DENND2C: variants seen among roughly 807,000 people sequenced by gnomAD.
The protein encoded by DENND2C is DENN domain containing 2C.
A neutral mutation model predicts 112.4 loss-of-function variants in DENND2C; 72 were observed. That is an observed-to-expected ratio of 0.64 (90% confidence interval 0.53 to 0.78). The LOEUF is 0.78. Among genes scored for constraint, DENND2C ranks in the 30% least tolerant of loss-of-function variants. DENND2C has a pLI of 0.00. For synonymous variants in DENND2C, 329 were observed against 381.6 expected, an observed-to-expected ratio of 0.86 and a Z score of 1.61; for missense variants, 992 against 1,113.8, an observed-to-expected ratio of 0.89 and a Z score of 1.56.
intron 2 of DENND2C, among the ~76,000 whole-genome samples, chr1:114,646,838 T>C (rs1255674003): frequency 6.6e-6 from 1 of 152,176 alleles, no homozygotes; most frequent in Non-Finnish European, 1.5e-5. Context: ...GCATTAGCTT[T>C]AATGTTCACC....
In DENND2C at chr1:114,587,761, C is replaced by A. The variant is rs913872085; in HGVS notation, c.2623G>T (p.Ala875Ser). Residue 875 changes from alanine to serine, a missense_variant, in exon 19 of 21, where the codon GCA becomes TCA. Ala to Ser is a moderately conservative substitution (Grantham distance 99). This residue lies in a region of DENND2C where 516 missense variants were observed against 623.6 expected (regional missense o/e 0.83). Transcript: ENST00000393274. ...AGCTCTCGGTCCTGGATGAATCCTGCAAACATCTGAGTTTCCATGAAGAGA... is the reference window on the plus strand; with the variant it reads ...AGCTCTCGGTCCTGGATGAATCCTGAAAACATCTGAGTTTCCATGAAGAGA... ...LDLFMETQMF[A>S]GFIQDRELRK... The A allele has an allele frequency of 1.9e-6, 3 of 1,614,080 alleles. No homozygotes were observed. Among genetic ancestry groups the A allele is most frequent in the Non-Finnish European group, 2.5e-6 (3 of 1,179,986 alleles).
intron 18 of DENND2C, 152 bp downstream of exon 18, chr1:114,594,321 C>G (rs1655281159): frequency 3.2e-6 from 2 of 618,040 alleles, no homozygotes; most frequent in African/African-American, 3.7e-5. Context: ...ACCTGGCATA[C>G]TGAGGATAAG....
At chr1:114,654,148 AC>A (rs1392993099) in intron 2 of DENND2C, among the ~76,000 whole-genome samples, 1 of 152,112 alleles carries the variant, frequency 6.6e-6, no homozygotes, top group Admixed American at 6.6e-5. Flanking sequence ...TAAAAAATAA[AC>A]AGGCCAGACA....
At chr1:114,602,327 C>T (rs1240685979) in intron 11 of DENND2C, 133 bp from the exon 12 acceptor site, 7 of 784,852 alleles carry the variant, frequency 8.9e-6, no homozygotes, top group Non-Finnish European at 1.4e-5. Flanking sequence ...CAACCACTTA[C>T]GGCATTCTCC....
At chr1:114,637,093 A>G (rs1175694781) in intron 3 of DENND2C, among the ~76,000 whole-genome samples, 1 of 62,208 alleles carries the variant, frequency 1.6e-5, no homozygotes, top group Non-Finnish European at 3.0e-5. Context: ...AAAACAAAAC[A>G]AAACAAAAAT....
intron 2 of DENND2C, among the ~76,000 whole-genome samples, chr1:114,648,434 C>A (rs1306270413): frequency 6.6e-6 from 1 of 152,160 alleles, no homozygotes; most frequent in African/African-American, 2.4e-5. Flanking sequence ...AAGAAAAGTG[C>A]AAGGCTTAGA....
At chr1:114,604,758 C>T (rs746873682) in intron 11 of DENND2C, among the ~76,000 whole-genome samples, 164 bp downstream of exon 11, 3 of 151,858 alleles carry the variant, frequency 2.0e-5, no homozygotes, top group Non-Finnish European at 4.4e-5. Flanking sequence ...TTTTAAGCCC[C>T]ACATAGGAAA....
chr1:114,592,034 A>C (rs1483409187), intron 18 of DENND2C, among the ~76,000 whole-genome samples: 2 of 151,966 alleles, frequency 1.3e-5, no homozygotes, highest in Non-Finnish European at 2.9e-5. Context: ...ACAGGCGCGT[A>C]CCACCACACC....
intron 17 of DENND2C, 66 bp from the exon 18 acceptor site, chr1:114,594,644 G>T: frequency 7.5e-7 from 1 of 1,339,078 alleles, no homozygotes; most frequent in Non-Finnish European, 1.0e-6. Flanking sequence ...TCTCAAATAT[G>T]CCCTAGTTAT....
rs1223669910 is a variant in DENND2C at position 114,599,435 on chromosome 1, C to T, written c.2122G>A (p.Gly708Ser). ...TACAGTGTAGCTACCACAGCATGGC[C>T]ACATTTTGACAGGGTGCTAGCCAGA... is the stretch of plus-strand genomic sequence containing the variant. The part of the protein sequence containing the change: ...ANSLSTLSKC[G>S]HAVVATLYPF... Residue 708 changes from glycine to serine, a missense_variant, in exon 16 of 21, where the codon GGC (glycine) becomes AGC (serine). Gly to Ser is a moderately conservative substitution (Grantham distance 56). Around this residue, in one of 3 missense-constraint regions of DENND2C, gnomAD observed 516 missense variants for 623.6 expected, o/e 0.83. Coordinates refer to ENST00000393274, the MANE Select transcript of DENND2C (RefSeq NM_001256404.2). 5 of 1,613,624 alleles carry T rather than the reference C, an allele frequency of 3.1e-6. No individual in the cohort carries two copies. Among genetic ancestry groups the T allele is most frequent in the Non-Finnish European group, 4.2e-6 (5 of 1,179,786 alleles).
rs771459020 is a variant in DENND2C at position 114,603,358 on chromosome 1, C to T, written c.1668-1164G>A. ...TTAACTATGTTGGCCAGGCTGGTCT[C>T]GAACTCCTGACCTCAGGTGATCCAC... On this transcript the variant is annotated intron_variant, in intron 11 of 20. Coordinates refer to ENST00000393274, the MANE Select transcript of DENND2C (RefSeq NM_001256404.2). 1.5e-4 allele frequency among the ~76,000 whole-genome samples: 22 copies of T among 151,638 alleles called. 1 individual carries two copies. Among genetic ancestry groups the T allele is most frequent in the Admixed American group, 2.6e-4 (4 of 15,208 alleles).
At chr1:114,590,303 T>C (rs1201651653) in intron 18 of DENND2C, among the ~76,000 whole-genome samples, 3 of 152,090 alleles carry the variant, frequency 2.0e-5, no homozygotes, top group Non-Finnish European at 4.4e-5. Context: ...GGAAGGAGGA[T>C]TGCTTGAGCA....
At chr1:114,619,556 T>A (rs1027733061) in intron 7 of DENND2C, among the ~76,000 whole-genome samples, 2 of 152,282 alleles carry the variant, frequency 1.3e-5, no homozygotes, top group South Asian at 2.1e-4. Context: ...AAGAAACATA[T>A]GCTTCCAAAA....
At chr1:114,625,093 G>A (rs1171875286) in intron 4 of DENND2C, 86 bp downstream of exon 4, 36 of 1,355,386 alleles carry the variant, frequency 2.7e-5, no homozygotes, top group Non-Finnish European at 3.5e-5. Flanking sequence ...GCTGGGAAAT[G>A]GAAACTGGTT....
intron 2 of DENND2C, among the ~76,000 whole-genome samples, chr1:114,650,347 C>A (rs1657119657): frequency 6.7e-6 from 1 of 148,926 alleles, no homozygotes; most frequent in South Asian, 2.1e-4. Flanking sequence ...ATGCAATTTT[C>A]AAGAATTTCA....
In DENND2C at chr1:114,623,080, T is replaced by A. The variant is rs137963016; in HGVS notation, c.963A>T (p.Pro321=). 6.7e-5 allele frequency: 108 copies of A among 1,608,552 alleles called. No individual in the cohort carries two copies. In the African/African-American group the frequency reaches 1.4e-3, roughly 21 times the overall value. The change falls in exon 6 of 21, where the codon CCA becomes CCT. Residue 321 remains proline, a synonymous_variant. Transcript: ENST00000393274. ...EDIIYPTKEN[P]YEDIPVQPLP... is the part of the protein sequence containing the mutation. ...AAGGCTGCACTGGAATATCTTCATA[T>A]GGATTTTCTTTGGTGGGATCTTAAA...
chr1:114,639,689 C>T lies in DENND2C; in HGVS notation c.-205+5759G>A, dbSNP rs188059019. Among the ~76,000 whole-genome samples the T allele has an allele frequency of 5.5e-3, 819 of 149,264 alleles. 6 individuals are homozygous for T. Among genetic ancestry groups the T allele is most frequent in the Non-Finnish European group, 8.4e-3 (569 of 67,370 alleles). On this transcript the variant is annotated intron_variant, in intron 3 of 20. Transcript: ENST00000393274. ...TATTCCAACTGTATTTTGAAATATT[C>T]CATCTCTTCATCCATTATATTAATT...
At chr1:114,618,338 T>C in intron 8 of DENND2C, 48 bp downstream of exon 8, 2 of 1,348,094 alleles carry the variant, frequency 1.5e-6, no homozygotes, top group South Asian at 1.4e-5. Flanking sequence ...GATTCTCCTC[T>C]CATATCCTGA....
chr1:114,602,065 C>G, intron 12 of DENND2C, 60 bp downstream of exon 12: 1 of 1,534,378 alleles, frequency 6.5e-7, no homozygotes, highest in African/African-American at 1.4e-5. Flanking sequence ...TTCTGAAGTT[C>G]CTACTCTGAC....
Sources: gnomAD v4.1 joint callset for allele counts (sites outside exome capture counted in the v4.1 genomes callset) on GRCh38, gnomAD v4.1.1 for gene constraint, gnomAD v4.1.1 regional missense constraint, MANE v1.5 for transcripts, NCBI Gene and HGNC (gene_info 2026-07-23, HGNC 2026-07-21) for gene names.